Variants in SPATA31D3 observed in about 807,000 individuals in gnomAD.
SPATA31D3 encodes the protein spermatogenesis-associated protein 31D3.
For missense variants in SPATA31D3, 91 were observed against 297.9 expected, an observed-to-expected ratio of 0.31 and a Z score of 5.11; for synonymous variants, 27 against 107.8, an observed-to-expected ratio of 0.25 and a Z score of 4.65.
chr9:81,949,254 C>A lies in SPATA31D3; in HGVS notation c.*1247C>A, dbSNP rs942881416. 23 of 380,886 alleles carry A rather than the reference C, an allele frequency of 6.0e-5. No homozygotes were observed. Among genetic ancestry groups the A allele is most frequent in the African/African-American group, 4.7e-4 (23 of 48,664 alleles). The allele number at this position is 380,886 out of a possible 1,614,324, so 23.6% of individuals were successfully genotyped here. On this transcript the variant is annotated 3_prime_UTR_variant, in exon 4 of 4. Coordinates refer to ENST00000445385, the MANE Select transcript of SPATA31D3 (RefSeq NM_207416.3). ...ATGCAGGGCTGGGGACATCCCAACT[C>A]AGAAGAAAGAGCCATGCTATTCATA...
rs975465866 is a variant in SPATA31D3, at chr9:81,949,693, A to C, written c.*1686A>C. 3 of 1,373,334 alleles carry C rather than the reference A, an allele frequency of 2.2e-6. No individual in the cohort carries two copies. Among genetic ancestry groups the C allele is most frequent in the African/African-American group, 2.9e-5 (2 of 69,748 alleles). The allele number at this position is 1,373,334 out of a possible 1,614,324, so 85.1% of individuals were successfully genotyped here. ...TGTCCAGGGCTATCCCTGCAACTAC[A>C]TGGCTCCCTCCTGCAAAGTGACATG... On this transcript the variant is annotated 3_prime_UTR_variant, in exon 4 of 4. Coordinates refer to ENST00000445385, the MANE Select transcript of SPATA31D3 (RefSeq NM_207416.3).
In SPATA31D3 at chr9:81,947,668, TATG is replaced by T. The variant is rs1823912166; in HGVS notation, c.2419_2421del (p.Met807del). On this transcript the variant is annotated inframe_deletion, in exon 4 of 4. Transcript: ENST00000445385. ...ACTCTGAGAGAGACCTAGGAACTCA[TATG>T]ATGCATCTGTCAGGGAATGATTCAG... 1 of 1,584,942 alleles carries T rather than the reference TATG, an allele frequency of 6.3e-7. No individual in the cohort carries two copies. Among genetic ancestry groups the T allele is most frequent in the Non-Finnish European group, 8.6e-7 (1 of 1,162,166 alleles).
chr9:81,948,244 C>T lies in SPATA31D3; in HGVS notation c.*237C>T. 3.2e-6 allele frequency: 2 copies of T among 621,452 alleles called. No individual in the cohort carries two copies. Among genetic ancestry groups the T allele is most frequent in the Non-Finnish European group, 5.4e-6 (2 of 367,486 alleles). 38.5% of individuals were successfully genotyped at this position (621,452 alleles called of 1,614,324 possible). ...TAATCATCCTCAGCCTGTCTCCTCA[C>T]CTATTGGCAAAGAAGGGCAGGGGAC... On this transcript the variant is annotated 3_prime_UTR_variant, in exon 4 of 4. Transcript: ENST00000445385.
In SPATA31D3 at chr9:81,949,738, CA is replaced by C; in HGVS notation, c.*1733del. On this transcript the variant is annotated 3_prime_UTR_variant, in exon 4 of 4. Coordinates refer to ENST00000445385, the MANE Select transcript of SPATA31D3 (RefSeq NM_207416.3). The stretch of plus-strand genomic sequence containing the variant: ...GACATGTACCAAATCTTGCAGCCAA[CA>C]AGCTATCTTTGTCGGCCAGAATTAT... The C allele has an allele frequency of 2.1e-6, 3 of 1,406,954 alleles. No individual in the cohort carries two copies. In the South Asian group the frequency reaches 3.5e-5, roughly 16 times the overall value. 87.2% of individuals were successfully genotyped at this position (1,406,954 alleles called of 1,614,324 possible).
At position 81,949,801 on chromosome 9, in the gene SPATA31D3, T is replaced by C. The variant is rs187645021; in HGVS notation, c.*1794T>C. The C allele has an allele frequency of 2.2e-4, 284 of 1,265,088 alleles. No individual in the cohort carries two copies. In the African/African-American group the frequency reaches 3.4e-3, roughly 15 times the overall value. The allele number at this position is 1,265,088 out of a possible 1,614,324, so 78.4% of individuals were successfully genotyped here. ...TAGACAGATCATAGACAAGGACAGA[T>C]AGCCCCAGGAAGTTGGACATTTAAG... is the stretch of plus-strand genomic sequence containing the variant. On this transcript the variant is annotated 3_prime_UTR_variant, in exon 4 of 4. Coordinates refer to ENST00000445385, the MANE Select transcript of SPATA31D3 (RefSeq NM_207416.3).
At position 81,947,877 on chromosome 9, in the gene SPATA31D3, C is replaced by G; in HGVS notation, c.2624C>G (p.Ala875Gly). Residue 875 changes from alanine (A) to glycine (G), a missense_variant, in exon 4 of 4, where the codon GCA becomes GGA. Transcript: ENST00000445385. The part of the protein sequence containing the change: ...HSQIKHRNLA[A>G]LVSEDHRVDT... ...CAAATTAAACATCGAAATTTGGCAG[C>G]ATTGGTGAGTGAGGACCACCGCGTT... 6.2e-7 allele frequency: 1 copy of G among 1,611,830 alleles called. No individual in the cohort carries two copies. The highest frequency in any genetic ancestry group is 1.1e-5 in the South Asian group (1 of 90,810).
Position 81,949,700 on chromosome 9 carries a change from C to T in SPATA31D3, c.*1693C>T. ...GGCTATCCCTGCAACTACATGGCTCCCTCCTGCAAAGTGACATGTACCAAA... is the reference window on the plus strand; with the variant it reads ...GGCTATCCCTGCAACTACATGGCTCTCTCCTGCAAAGTGACATGTACCAAA... On this transcript the variant is annotated 3_prime_UTR_variant, in exon 4 of 4. Coordinates refer to ENST00000445385, the MANE Select transcript of SPATA31D3 (RefSeq NM_207416.3). 1 of 1,396,228 alleles carries T rather than the reference C, an allele frequency of 7.2e-7. No individual in the cohort carries two copies. The highest frequency in any genetic ancestry group is 1.0e-6 in the Non-Finnish European group (1 of 987,376). 86.5% of individuals were successfully genotyped at this position (1,396,228 alleles called of 1,614,324 possible).
intron 3 of SPATA31D3, 96 bp from the exon 4 acceptor site, chr9:81,945,451 G>A (rs993522530): frequency 1.2e-4 from 3 of 24,718 alleles, no homozygotes; most frequent in African/African-American, 8.0e-4. Flanking sequence ...CATACGGTGA[G>A]CTCATGGATG....
rs538462798 is a variant in SPATA31D3 at position 81,949,293 on chromosome 9, G to A, written c.*1286G>A. 26 of 367,492 alleles carry A rather than the reference G, an allele frequency of 7.1e-5. No individual in the cohort carries two copies. The highest frequency in any genetic ancestry group is 3.5e-4 in the East Asian group (6 of 16,922). 22.8% of individuals were successfully genotyped at this position (367,492 alleles called of 1,614,324 possible). A position where few individuals can be genotyped will look rare whatever the true frequency, so the allele number is the denominator to read the frequency against. ...ATGCTATTCATAACAAGACATCAAG[G>A]GAGTCGCTTGGGAGCAAATCTTCCC... On this transcript the variant is annotated 3_prime_UTR_variant, in exon 4 of 4. Coordinates refer to ENST00000445385, the MANE Select transcript of SPATA31D3 (RefSeq NM_207416.3).
At position 81,949,873 on chromosome 9, in the gene SPATA31D3, A is replaced by T; in HGVS notation, c.*1866A>T. ...CATCCCCAATCCATGCCCCACAGGA[A>T]GCCTGTGCCACAGCCAAACCCCACT... On this transcript the variant is annotated 3_prime_UTR_variant, in exon 4 of 4. Coordinates refer to ENST00000445385, the MANE Select transcript of SPATA31D3 (RefSeq NM_207416.3). 1 of 812,224 alleles carries T rather than the reference A, an allele frequency of 1.2e-6. No homozygotes were observed. Among genetic ancestry groups the T allele is most frequent in the South Asian group, 1.7e-5 (1 of 60,368 alleles). 50.3% of individuals were successfully genotyped at this position (812,224 alleles called of 1,614,324 possible).
rs1464925011 is a variant in SPATA31D3 at position 81,949,720 on chromosome 9, A to G, written c.*1713A>G. 1.2e-5 allele frequency: 17 copies of G among 1,407,044 alleles called. No homozygotes were observed. The highest frequency in any genetic ancestry group is 1.6e-5 in the Non-Finnish European group (16 of 996,862). 87.2% of individuals were successfully genotyped at this position (1,407,044 alleles called of 1,614,324 possible). On this transcript the variant is annotated 3_prime_UTR_variant, in exon 4 of 4. Transcript: ENST00000445385. Reference sequence around the variant, plus strand: ...GGCTCCCTCCTGCAAAGTGACATGTACCAAATCTTGCAGCCAACAAGCTAT... The same window carrying G: ...GGCTCCCTCCTGCAAAGTGACATGTGCCAAATCTTGCAGCCAACAAGCTAT...
Position 81,945,740 on chromosome 9 carries a change from G to A in SPATA31D3, c.487G>A (p.Ala163Thr). 1.6e-5 allele frequency: 1 copy of A among 62,610 alleles called. No homozygotes were observed. The highest frequency in any genetic ancestry group is 2.8e-5 in the Non-Finnish European group (1 of 36,306). The allele number at this position is 62,610 out of a possible 1,614,324, so 3.9% of individuals were successfully genotyped here. ...VSPLASSASGAESSFTLASTP... is the reference protein window; with the variant it reads ...VSPLASSASGTESSFTLASTP... ...CCCTTTGGCTTCTTCAGCTTCTGGG[G>A]CTGAGTCATCGTTCACTCTGGCTTC... Residue 163 changes from alanine to threonine, a missense_variant, in exon 4 of 4, where the codon GCT (alanine) becomes ACT (threonine). Ala to Thr is a moderately conservative substitution (Grantham distance 58). Coordinates refer to ENST00000445385, the MANE Select transcript of SPATA31D3 (RefSeq NM_207416.3).
Position 81,949,571 on chromosome 9 carries a change from A to T in SPATA31D3, c.*1564A>T. 1.6e-6 allele frequency: 1 copy of T among 621,946 alleles called. No individual in the cohort carries two copies. The allele number at this position is 621,946 out of a possible 1,614,324, so 38.5% of individuals were successfully genotyped here. On this transcript the variant is annotated 3_prime_UTR_variant, in exon 4 of 4. Transcript: ENST00000445385. ...ATAGAAGAGAAGCTGGGGCATAGACATTGAATAGATATCACCTGTCCCCAG... is the reference window on the plus strand; with the variant it reads ...ATAGAAGAGAAGCTGGGGCATAGACTTTGAATAGATATCACCTGTCCCCAG...
Position 81,949,715 on chromosome 9 carries a change from C to G in SPATA31D3, c.*1708C>G. The stretch of plus-strand genomic sequence containing the variant: ...TACATGGCTCCCTCCTGCAAAGTGA[C>G]ATGTACCAAATCTTGCAGCCAACAA... On this transcript the variant is annotated 3_prime_UTR_variant, in exon 4 of 4. Transcript: ENST00000445385. 7.1e-7 allele frequency: 1 copy of G among 1,407,246 alleles called. No individual in the cohort carries two copies. The highest frequency in any genetic ancestry group is 1.0e-6 in the Non-Finnish European group (1 of 996,992). 87.2% of individuals were successfully genotyped at this position (1,407,246 alleles called of 1,614,324 possible).
Position 81,949,904 on chromosome 9 carries a change from T to C in SPATA31D3, c.*1897T>C. On this transcript the variant is annotated 3_prime_UTR_variant, in exon 4 of 4. Coordinates refer to ENST00000445385, the MANE Select transcript of SPATA31D3 (RefSeq NM_207416.3). ...TGCCACAGCCAAACCCCACTTGCAG[T>C]GTGAAGTCAACCTGGTGCCTCCGGT... 1.5e-6 allele frequency: 1 copy of C among 663,646 alleles called. No individual in the cohort carries two copies. The highest frequency in any genetic ancestry group is 2.6e-6 in the Non-Finnish European group (1 of 378,738). 41.1% of individuals were successfully genotyped at this position (663,646 alleles called of 1,614,324 possible). A position where few individuals can be genotyped will look rare whatever the true frequency, so the allele number is the denominator to read the frequency against.
At position 81,949,756 on chromosome 9, in the gene SPATA31D3, C is replaced by A; in HGVS notation, c.*1749C>A. The A allele has an allele frequency of 7.2e-7, 1 of 1,390,702 alleles. No individual in the cohort carries two copies. Among genetic ancestry groups the A allele is most frequent in the Non-Finnish European group, 1.0e-6 (1 of 981,368 alleles). 86.1% of individuals were successfully genotyped at this position (1,390,702 alleles called of 1,614,324 possible). ...CAGCCAACAAGCTATCTTTGTCGGC[C>A]AGAATTATCCTGCAATGATTAGACA... On this transcript the variant is annotated 3_prime_UTR_variant, in exon 4 of 4. Transcript: ENST00000445385.
intron 2 of SPATA31D3, among the ~76,000 whole-genome samples, chr9:81,944,880 A>G (rs1823855908): frequency 3.0e-4 from 1 of 3,378 alleles, no homozygotes; most frequent in Non-Finnish European, 1.0e-3. Context: ...ACAACTTTGC[A>G]TAAGTACTTT....
chr9:81,949,838 G>T lies in SPATA31D3; in HGVS notation c.*1831G>T, dbSNP rs1181609058. On this transcript the variant is annotated 3_prime_UTR_variant, in exon 4 of 4. Coordinates refer to ENST00000445385, the MANE Select transcript of SPATA31D3 (RefSeq NM_207416.3). The stretch of plus-strand genomic sequence containing the variant: ...GTTGGACATTTAAGGGGAAGATATT[G>T]TGTCAAAGGCATCCCCAATCCATGC... The T allele has an allele frequency of 9.8e-7, 1 of 1,022,594 alleles. No individual in the cohort carries two copies. The allele number at this position is 1,022,594 out of a possible 1,614,324, so 63.3% of individuals were successfully genotyped here.
In SPATA31D3 at chr9:81,947,871, T is replaced by G. The variant is rs1341085629; in HGVS notation, c.2618T>G (p.Leu873Trp). The change falls in exon 4 of 4, where the codon TTG becomes TGG. Residue 873 changes from leucine to tryptophan, a missense_variant. Transcript: ENST00000445385. ...KSHSQIKHRN[L>W]AALVSEDHRV... ...CACAGCCAAATTAAACATCGAAATT[T>G]GGCAGCATTGGTGAGTGAGGACCAC... is the stretch of plus-strand genomic sequence containing the variant. 1 of 1,611,710 alleles carries G rather than the reference T, an allele frequency of 6.2e-7. No individual in the cohort carries two copies.
Sources: gnomAD v4.1 joint callset for allele counts (sites outside exome capture counted in the v4.1 genomes callset) on GRCh38, gnomAD v4.1.1 for gene constraint, MANE v1.5 for transcripts, NCBI Gene and HGNC (gene_info 2026-07-23, HGNC 2026-07-21) for gene names.